Variants in KIF16B observed in about 807,000 individuals in gnomAD.
KIF16B encodes the protein kinesin family member 16B.
KIF16B carries 98 observed loss-of-function variants against 156.3 expected under a neutral mutation model. The ratio of observed to expected loss-of-function variants is 0.63; its 90% confidence interval spans 0.53 to 0.74. The LOEUF is 0.74. KIF16B is among the 30% of genes least tolerant of loss of function. The pLI is 0.00. For synonymous variants in KIF16B, 564 were observed against 583.7 expected, an observed-to-expected ratio of 0.97 and a Z score of 0.49; for missense variants, 1,421 against 1,606.5, an observed-to-expected ratio of 0.88 and a Z score of 1.97.
At chr20:16,509,861 T>C (rs1176113047) in intron 6 of KIF16B, among the ~76,000 whole-genome samples, 1 of 152,234 alleles carries the variant, frequency 6.6e-6, no homozygotes, top group East Asian at 1.9e-4. Flanking sequence ...TTGTTTATTT[T>C]ATAGTTTCTG....
At chr20:16,522,211 A>G (rs1357617669) in intron 3 of KIF16B, among the ~76,000 whole-genome samples, 6 of 152,226 alleles carry the variant, frequency 3.9e-5, no homozygotes, top group Admixed American at 6.5e-5. Flanking sequence ...TGCCCCAATT[A>G]AAAGACACAG....
chr20:16,369,336 T>A, intron 22 of KIF16B: 2 of 965,204 alleles, frequency 2.1e-6, no homozygotes, highest in Non-Finnish European at 2.5e-6. Flanking sequence ...TTGCACATGA[T>A]GATTCTTGTC....
intron 12 of KIF16B, among the ~76,000 whole-genome samples, chr20:16,471,448 T>C (rs1010610226): frequency 1.3e-5 from 2 of 152,182 alleles, no homozygotes; most frequent in African/African-American, 4.8e-5. Context: ...CCCAATGACA[T>C]GATGGTAATA....
chr20:16,437,991 A>AAACC (rs1422143289), intron 12 of KIF16B, among the ~76,000 whole-genome samples: 10 of 148,426 alleles, frequency 6.7e-5, no homozygotes, highest in African/African-American at 2.2e-4. Flanking sequence ...AAAAATAATA[A>AAACC]AAAAAAAAAA....
At chr20:16,503,059 C>CA (rs971558053) in intron 10 of KIF16B, among the ~76,000 whole-genome samples, 1 of 151,994 alleles carries the variant, frequency 6.6e-6, no homozygotes, top group Non-Finnish European at 1.5e-5. Flanking sequence ...ACCAAAAATA[C>CA]AAAAAAATTA....
chr20:16,545,339 T>C (rs1428517940), intron 1 of KIF16B, among the ~76,000 whole-genome samples: 1 of 151,178 alleles, frequency 6.6e-6, no homozygotes, highest in East Asian at 2.0e-4. Flanking sequence ...AAGACCAGCC[T>C]GGCCAACATG....
At chr20:16,489,259 T>C (rs1206483105) in intron 12 of KIF16B, among the ~76,000 whole-genome samples, 1 of 151,912 alleles carries the variant, frequency 6.6e-6, no homozygotes, top group Non-Finnish European at 1.5e-5. Flanking sequence ...TAGGCGAGGC[T>C]GAAGGGGGAG....
intron 22 of KIF16B, chr20:16,366,879 G>A: frequency 8.5e-7 from 1 of 1,182,428 alleles, no homozygotes; most frequent in Non-Finnish European, 1.0e-6. Context: ...CACAAATAAT[G>A]AAGCAGGCAC....
intron 1 of KIF16B, among the ~76,000 whole-genome samples, chr20:16,546,503 G>C (rs549242355): frequency 1.1e-4 from 16 of 152,270 alleles, no homozygotes; most frequent in African/African-American, 3.9e-4. Flanking sequence ...TGATCTCTGG[G>C]AGCTTACATT....
intron 25 of KIF16B, among the ~76,000 whole-genome samples, chr20:16,295,599 T>C (rs2063374434): frequency 6.6e-6 from 1 of 151,706 alleles, no homozygotes; most frequent in South Asian, 2.1e-4. Flanking sequence ...TATATCATTA[T>C]ACATCTCTTC....
intron 25 of KIF16B, among the ~76,000 whole-genome samples, chr20:16,296,893 T>C (rs913191499): frequency 1.3e-5 from 2 of 152,212 alleles, no homozygotes; most frequent in African/African-American, 4.8e-5. Flanking sequence ...GCAGATTGCT[T>C]TCCTACTGTG....
chr20:16,367,953 A>C (rs2064718164), intron 22 of KIF16B: 1 of 1,443,454 alleles, frequency 6.9e-7, no homozygotes, highest in Admixed American at 2.8e-5. Flanking sequence ...GAGGTAGAGC[A>C]TGAAAAATGC....
At chr20:16,318,806 T>C (rs2122768924) in intron 24 of KIF16B, among the ~76,000 whole-genome samples, 1 of 152,328 alleles carries the variant, frequency 6.6e-6, no homozygotes, top group Middle Eastern at 3.4e-3. Context: ...ATAATTTATG[T>C]AGATGTTTCA....
chr20:16,393,357 G>GT (rs1311888070), intron 17 of KIF16B, among the ~76,000 whole-genome samples: 1 of 152,126 alleles, frequency 6.6e-6, no homozygotes, highest in African/African-American at 2.4e-5. Context: ...TATAGCAATT[G>GT]TTTTACTTCT....
chr20:16,559,148 C>T (rs943232675), intron 1 of KIF16B, among the ~76,000 whole-genome samples: 1 of 152,112 alleles, frequency 6.6e-6, no homozygotes, highest in African/African-American at 2.4e-5. Flanking sequence ...ACTTGCCACA[C>T]CACTGAGACC....
intron 11 of KIF16B, 78 bp downstream of exon 11, chr20:16,497,535 G>C: frequency 8.8e-7 from 1 of 1,140,768 alleles, no homozygotes; most frequent in Non-Finnish European, 1.3e-6. Context: ...CATCTCAAAC[G>C]GCAAGTCCTA....
intron 18 of KIF16B, among the ~76,000 whole-genome samples, chr20:16,381,254 T>A (rs753538299): frequency 4.6e-5 from 7 of 152,150 alleles, no homozygotes; most frequent in Non-Finnish European, 1.0e-4. Flanking sequence ...AAATTATACA[T>A]GGGGAAATAC....
At chr20:16,349,947 A>G (rs1014424664) in intron 23 of KIF16B, among the ~76,000 whole-genome samples, 4 of 152,216 alleles carry the variant, frequency 2.6e-5, no homozygotes, top group African/African-American at 9.6e-5. Context: ...TGACTGGGGT[A>G]CTTGATAATT....
chr20:16,495,561 AAAT>A (rs1270445332), intron 11 of KIF16B, among the ~76,000 whole-genome samples: 3 of 152,232 alleles, frequency 2.0e-5, no homozygotes, highest in Non-Finnish European at 2.9e-5. Context: ...AACTTAAAGA[AAAT>A]AATAATGTTG....
Sources: gnomAD v4.1 joint callset for allele counts (sites outside exome capture counted in the v4.1 genomes callset) on GRCh38, gnomAD v4.1.1 for gene constraint, MANE v1.5 for transcripts, NCBI Gene and HGNC (gene_info 2026-07-23, HGNC 2026-07-21) for gene names.